Variants in MINK1 observed in about 807,000 individuals in gnomAD.
MINK1 encodes the protein misshapen-like kinase 1.
A neutral mutation model predicts 178.4 loss-of-function variants in MINK1; 46 were observed. The ratio of observed to expected loss-of-function variants is 0.26; its 90% CI spans 0.20 to 0.33. The LOEUF is 0.33. MINK1 is among the 10% of genes least tolerant of loss of function. MINK1 has a pLI of 1.00. For missense variants in MINK1, 1,366 were observed against 1,814.9 expected, an observed-to-expected ratio of 0.75 and a Z score of 4.49; for synonymous variants, 797 against 709.7, an observed-to-expected ratio of 1.12 and a Z score of -1.96.
intron 1 of MINK1, among the ~76,000 whole-genome samples, chr17:4,861,894 C>T (rs1325624913): frequency 3.9e-5 from 6 of 152,174 alleles, no homozygotes; most frequent in Non-Finnish European, 8.8e-5. Flanking sequence ...AGAAAGCAGC[C>T]GCAGACTGTT....
In MINK1 at chr17:4,833,669, T is replaced by C. The variant is rs565662425; in HGVS notation, c.57+29T>C. ...AGCGCGCCGTCCCCCAGCCTCGCCCTGGTTCCTGTCCCCGCCGCAGGGGAG... is the reference window on the plus strand; with the variant it reads ...AGCGCGCCGTCCCCCAGCCTCGCCCCGGTTCCTGTCCCCGCCGCAGGGGAG... On this transcript the variant is annotated intron_variant, in intron 1 of 31. Transcript: ENST00000355280. The surrounding 1 kb of genome is among the most constrained non-coding windows in gnomAD (Gnocchi z 4.8). 113 of 1,476,466 alleles carry C rather than the reference T, an allele frequency of 7.7e-5. No homozygotes were observed. Among genetic ancestry groups the C allele is most frequent in the Non-Finnish European group, 9.1e-5 (102 of 1,117,358 alleles). The allele number at this position is 1,476,466 out of a possible 1,614,324, so 91.5% of individuals were successfully genotyped here. A position where few individuals can be genotyped will look rare whatever the true frequency, so the allele number is the denominator to read the frequency against.
intron 18 of MINK1, 52 bp downstream of exon 18, chr17:4,892,564 T>C: frequency 1.9e-6 from 3 of 1,539,248 alleles, no homozygotes; most frequent in Non-Finnish European, 1.8e-6. Flanking sequence ...TGCCACCCGC[T>C]TCCCTGGTGA....
At chr17:4,881,648 C>T (rs1355694829) in intron 4 of MINK1, among the ~76,000 whole-genome samples, 1 of 152,220 alleles carries the variant, frequency 6.6e-6, no homozygotes, top group East Asian at 1.9e-4. Context: ...AGCAACAGAA[C>T]CAAAATATTT....
At position 4,887,286 on chromosome 17, in the gene MINK1, GAGGT is replaced by G; in HGVS notation, c.1019+110_1019+113del. 1 of 1,218,004 alleles carries G rather than the reference GAGGT, an allele frequency of 8.2e-7. No homozygotes were observed. The highest frequency in any genetic ancestry group is 1.2e-6 in the Non-Finnish European group (1 of 852,540). The allele number at this position is 1,218,004 out of a possible 1,614,324, so 75.4% of individuals were successfully genotyped here. A position where few individuals can be genotyped will look rare whatever the true frequency, so the allele number is the denominator to read the frequency against. On this transcript the variant is annotated intron_variant, in intron 11 of 31. Coordinates refer to ENST00000355280, the MANE Select transcript of MINK1 (RefSeq NM_153827.5). This position sits in a 1 kb window ranked among gnomAD's most constrained non-coding sequence, Gnocchi z 7.6. ...TCAGCCTGGGGGTGGTGGGCACAGA[GAGGT>G]AGAGACTCCTGGAAACCAAATTTCT... is the stretch of plus-strand genomic sequence containing the variant.
rs190126864 is a variant in MINK1, at chr17:4,896,515, T to C, written c.3702T>C (p.Gly1234=). 1.6e-5 allele frequency: 26 copies of C among 1,613,828 alleles called. No homozygotes were observed. The East Asian group carries it at 4.9e-4, about 30-fold the overall frequency. Residue 1234 remains glycine (G), a synonymous_variant, in exon 30 of 32, where the codon GGT becomes GGC. Transcript: ENST00000355280. This position sits in a 1 kb window ranked among gnomAD's most constrained non-coding sequence, Gnocchi z 4.6. ...TGCTGCTGTGCTACGAGGACGAGGGTGTCTACGTCAACACGTACGGGCGCA... is the reference window on the plus strand; with the variant it reads ...TGCTGCTGTGCTACGAGGACGAGGGCGTCTACGTCAACACGTACGGGCGCA... ...MEMLLCYEDE[G]VYVNTYGRII...
rs774650673 is a variant in MINK1, at chr17:4,885,633, G to A, written c.639+20G>A. The A allele has an allele frequency of 8.7e-6, 14 of 1,613,488 alleles. No individual in the cohort carries two copies. The highest frequency in any genetic ancestry group is 1.2e-5 in the Non-Finnish European group (14 of 1,179,692). Reference sequence around the variant, plus strand: ...TACAGGGTATGGAGTGGAAAGTTGGGAGCATGGGGGCTGCCAAGGGCGGGA... The same window carrying A: ...TACAGGGTATGGAGTGGAAAGTTGGAAGCATGGGGGCTGCCAAGGGCGGGA... On this transcript the variant is annotated intron_variant, in intron 7 of 31. Transcript: ENST00000355280. This position sits in a 1 kb window ranked among gnomAD's most constrained non-coding sequence, Gnocchi z 5.0.
intron 1 of MINK1, among the ~76,000 whole-genome samples, chr17:4,874,183 C>CAT (rs1966958314): frequency 6.6e-6 from 1 of 152,162 alleles, no homozygotes. Flanking sequence ...TTATATTTCT[C>CAT]ATATATTGGT....
intron 20 of MINK1, 104 bp downstream of exon 20, chr17:4,893,171 G>T (rs1418824837): frequency 1.3e-6 from 2 of 1,518,978 alleles, no homozygotes; most frequent in Non-Finnish European, 1.8e-6. Context: ...TACCGAGAAG[G>T]GCTGTGGGGA....
chr17:4,839,157 A>G (rs891162393), intron 1 of MINK1, among the ~76,000 whole-genome samples: 19 of 152,062 alleles, frequency 1.2e-4, no homozygotes, highest in African/African-American at 4.1e-4. Flanking sequence ...GTTAGCCAGG[A>G]TGGTCTTGAT....
intron 1 of MINK1, among the ~76,000 whole-genome samples, chr17:4,869,941 G>C (rs1227710547): frequency 0.024 from 5 of 210 alleles, no homozygotes; most frequent in South Asian, 0.25. Flanking sequence ...GAGTCTTGCT[G>C]TGTCGCCCCA....
Position 4,894,668 on chromosome 17 carries a change from G to T in MINK1, c.2917+35G>T. ...GGAGGACAGACCTGCTGTGAGGCCA[G>T]GGTCCAGGGGCAGCCTGGAGGGGAG... On this transcript the variant is annotated intron_variant, in intron 24 of 31. Transcript: ENST00000355280. The surrounding 1 kb of genome is among the most constrained non-coding windows in gnomAD (Gnocchi z 4.1). 1 of 1,520,568 alleles carries T rather than the reference G, an allele frequency of 6.6e-7. No individual in the cohort carries two copies. Among genetic ancestry groups the T allele is most frequent in the Non-Finnish European group, 9.0e-7 (1 of 1,110,532 alleles). The allele number at this position is 1,520,568 out of a possible 1,614,324, so 94.2% of individuals were successfully genotyped here.
intron 1 of MINK1, among the ~76,000 whole-genome samples, chr17:4,864,698 C>A (rs1391071204): frequency 6.6e-6 from 1 of 152,098 alleles, no homozygotes; most frequent in East Asian, 1.9e-4. Flanking sequence ...GAACTCCAGC[C>A]TAGGCGACAA....
chr17:4,892,359 G>GGCCCCCCCCCCC, intron 17 of MINK1, 43 bp from the exon 18 acceptor site: 1 of 1,434,934 alleles, frequency 7.0e-7, no homozygotes, highest in Non-Finnish European at 9.5e-7. Context: ...TCACCTCAGC[G>GGCCCCCCCCCCC]CCCCCCCGCC....
rs554211571 is a variant in MINK1 at position 4,892,464 on chromosome 17, A to G, written c.2150A>G (p.Lys717Arg). ...LQRRAERGTP[K>R]PPGPPAQPPG... ...AGGCGGGCAGAGCGGGGCACCCCAA[A>G]GCCTCCAGGGCCCCCTGCTCAGCCC... is the stretch of plus-strand genomic sequence containing the variant. Residue 717 changes from lysine to arginine, a missense_variant, in exon 18 of 32, where the codon AAG becomes AGG. Lys to Arg is a conservative substitution (Grantham distance 26, BLOSUM62 2). Coordinates refer to ENST00000355280, the MANE Select transcript of MINK1 (RefSeq NM_153827.5). The G allele has an allele frequency of 6.4e-6, 10 of 1,566,118 alleles. No homozygotes were observed. In the East Asian group the frequency reaches 2.2e-4, roughly 34 times the overall value.
chr17:4,838,991 T>C (rs903892966), intron 1 of MINK1, among the ~76,000 whole-genome samples: 1 of 151,830 alleles, frequency 6.6e-6, no homozygotes, highest in Non-Finnish European at 1.5e-5. Flanking sequence ...TCGCCCAGGC[T>C]GGAGTGCAGT....
At position 4,885,823 on chromosome 17, in the gene MINK1, C is replaced by T. The variant is rs768371588; in HGVS notation, c.640-88C>T. On this transcript the variant is annotated intron_variant, in intron 7 of 31. Coordinates refer to ENST00000355280, the MANE Select transcript of MINK1 (RefSeq NM_153827.5). This position sits in a 1 kb window ranked among gnomAD's most constrained non-coding sequence, Gnocchi z 5.0. ...CAGGAATGGGTGTGGCCCAGGAAGG[C>T]TCCTGAGAGGCCAGGATGGTGGGTG... The T allele has an allele frequency of 6.7e-7, 1 of 1,492,874 alleles. No homozygotes were observed. The highest frequency in any genetic ancestry group is 9.2e-7 in the Non-Finnish European group (1 of 1,083,480). The allele number at this position is 1,492,874 out of a possible 1,614,324, so 92.5% of individuals were successfully genotyped here.
At chr17:4,876,180 T>A (rs1967168428) in intron 1 of MINK1, among the ~76,000 whole-genome samples, 1 of 151,950 alleles carries the variant, frequency 6.6e-6, no homozygotes, top group Non-Finnish European at 1.5e-5. Flanking sequence ...CCCAGTCCCC[T>A]TCAGAGCACA....
intron 1 of MINK1, among the ~76,000 whole-genome samples, chr17:4,858,163 A>G (rs1049812667): frequency 6.6e-6 from 1 of 152,036 alleles, no homozygotes; most frequent in Non-Finnish European, 1.5e-5. Context: ...GGAGCTGATG[A>G]ATTTATGGGA....
At chr17:4,845,693 T>C (rs1597385439) in intron 1 of MINK1, among the ~76,000 whole-genome samples, 1 of 151,586 alleles carries the variant, frequency 6.6e-6, no homozygotes, top group Non-Finnish European at 1.5e-5. Context: ...TGGAGTGCGG[T>C]GGCACAATCT....
Sources: allele counts gnomAD v4.1 joint callset (sites outside exome capture counted in the v4.1 genomes callset), GRCh38; gene constraint gnomAD v4.1.1; non-coding constraint Gnocchi (gnomAD v3.1); transcripts MANE v1.5; gene names NCBI Gene and HGNC (gene_info 2026-07-23, HGNC 2026-07-21).